The following TMEM165 variants were observed in gnomAD, a reference collection of about 807,000 sequenced individuals.
TMEM165 encodes putative divalent cation/proton antiporter TMEM165.
TMEM165 carries 19 observed loss-of-function variants against 30.0 expected under a neutral mutation model. The ratio of observed to expected loss-of-function variants is 0.63; its 90% CI spans 0.44 to 0.93. The LOEUF is 0.93. Among genes scored for constraint, TMEM165 ranks in the 40% least tolerant of loss-of-function variants. The pLI is 0.00. For missense variants in TMEM165, 340 were observed against 417.0 expected (o/e 0.82, Z 1.61); for synonymous variants, 168 against 162.9 (o/e 1.03, Z -0.24).
chr4:55,424,701 G>T, intron 5 of TMEM165, 58 bp downstream of exon 5: 2 of 1,144,522 alleles, frequency 1.7e-6, no homozygotes, highest in South Asian at 2.5e-5. Flanking sequence ...AGATTAAAGG[G>T]TGTTAGCTTT....
intron 3 of TMEM165, chr4:55,435,176 C>T: frequency 5.6e-6 from 3 of 533,056 alleles, no homozygotes; most frequent in Non-Finnish European, 1.0e-5. Flanking sequence ...AATATCCAGG[C>T]ACCTAAAACA....
At position 55,444,025 on chromosome 4, in the gene TMEM165, G is replaced by T. The variant is rs1211373118; in HGVS notation, c.409-8214G>T. On this transcript the variant is annotated intron_variant, in intron 3 of 3. Coordinates refer to the TMEM165 transcript ENST00000608091. Reference sequence around the variant, plus strand: ...AGTAACAAGGCTAAGTCACTTTGAAGAATTAGCAATAAATAAGTAGTGAAT... The same window carrying T: ...AGTAACAAGGCTAAGTCACTTTGAATAATTAGCAATAAATAAGTAGTGAAT... 12 of 711,968 alleles carry T rather than the reference G, an allele frequency of 1.7e-5. No homozygotes were observed. In the Admixed American group the frequency reaches 3.0e-4, roughly 18 times the overall value. The allele number at this position is 711,968 out of a possible 1,614,324, so 44.1% of individuals were successfully genotyped here.
At chr4:55,449,657 TTCTA>T (rs534862445) in intron 3 of TMEM165, among the ~76,000 whole-genome samples, 54 of 152,240 alleles carry the variant, frequency 3.5e-4, no homozygotes, top group Non-Finnish European at 6.6e-4. Flanking sequence ...ATGTAGTTAC[TTCTA>T]TCTTTTTATG....
downstream of TMEM165, chr4:55,429,078 TTTAAC>T (rs1422995381): frequency 2.6e-5 from 4 of 152,086 alleles, no homozygotes; most frequent in Middle Eastern, 3.4e-3. Flanking sequence ...AACAACTTAT[TTTAAC>T]TTAACTACTG....
intron 3 of TMEM165, among the ~76,000 whole-genome samples, chr4:55,450,911 T>C (rs1211175288): frequency 2.0e-5 from 3 of 152,074 alleles, no homozygotes; most frequent in Admixed American, 6.5e-5. Context: ...GAGAAGAGAA[T>C]TGCTTAAGCC....
chr4:55,401,041 G>A (rs1263106276), intron 1 of TMEM165, among the ~76,000 whole-genome samples: 1 of 150,546 alleles, frequency 6.6e-6, no homozygotes, highest in Non-Finnish European at 1.5e-5. Flanking sequence ...CACTGTGTGA[G>A]AGTGGGCTTC....
intron 1 of TMEM165, among the ~76,000 whole-genome samples, chr4:55,410,494 C>T (rs978210095): frequency 6.6e-6 from 1 of 152,130 alleles, no homozygotes; most frequent in Non-Finnish European, 1.5e-5. Context: ...CTGCAACCTC[C>T]GCCTCCCAGG....
intron 1 of TMEM165, among the ~76,000 whole-genome samples, chr4:55,398,011 G>A (rs1720803167): frequency 6.6e-6 from 1 of 152,186 alleles, no homozygotes; most frequent in South Asian, 2.1e-4. Flanking sequence ...CCAAGTGCTG[G>A]TGAGCTCTCA....
In TMEM165 at chr4:55,402,794, G is replaced by GTTTTTTTTTTTTTT. The variant is rs1491276185; in HGVS notation, c.207+6398_207+6399insTTTTTTTTTTTTTT. On this transcript the variant is annotated intron_variant, in intron 1 of 5. Transcript: ENST00000381334. ...CACATTTTTACAACTTTTAAAAAAA[G>GTTTTTTTTTTTTTT]CTTTTTTTTTTTTTTGAGACGGAGT... Among the ~76,000 whole-genome samples, 47 of 52,494 alleles carry GTTTTTTTTTTTTTT rather than the reference G, an allele frequency of 9.0e-4. 2 individuals carry two copies. Among genetic ancestry groups the GTTTTTTTTTTTTTT allele is most frequent in the South Asian group, 2.2e-3 (2 of 908 alleles). 34.4% of individuals were successfully genotyped at this position (52,494 alleles called of 152,430 possible).
downstream of TMEM165, chr4:55,428,051 A>T (rs1722310188): frequency 1.3e-5 from 2 of 152,212 alleles, no homozygotes; most frequent in Non-Finnish European, 2.9e-5. Flanking sequence ...TTTTATTTTT[A>T]AAATTGAAGG....
In TMEM165 at chr4:55,396,257, C is replaced by A. The variant is rs866640560; in HGVS notation, c.68C>A (p.Pro23Gln). ...CGGCTGCTTCTGCTCTTTCTGGTTC[C>A]GCTGCTGTGGGCCCCGGCTGCGGTC... ...APRLLLLFLV[P>Q]LLWAPAAVRA... The change falls in exon 1 of 6, where the codon CCG becomes CAG. Residue 23 changes from proline to glutamine, a missense_variant. Physicochemically the swap from Pro to Gln is moderately conservative, Grantham distance 76. Transcript: ENST00000381334. 1 of 1,515,838 alleles carries A rather than the reference C, an allele frequency of 6.6e-7. No homozygotes were observed. Among genetic ancestry groups the A allele is most frequent in the Non-Finnish European group, 8.8e-7 (1 of 1,138,698 alleles). 93.9% of individuals were successfully genotyped at this position (1,515,838 alleles called of 1,614,324 possible). A position where few individuals can be genotyped will look rare whatever the true frequency, so the allele number is the denominator to read the frequency against.
rs1560396515 is a variant in TMEM165, at chr4:55,420,127, ATATTTATTTATTTATTTAT to A, written c.792+2144_792+2162del. The stretch of plus-strand genomic sequence containing the variant: ...AAAAAATATATATATATATACATAT[ATATTTATTTATTTATTTAT>A]TTTATTTATTTATTTAATGGCTGTA... On this transcript the variant is annotated intron_variant, in intron 4 of 5. Transcript: ENST00000381334. Among the ~76,000 whole-genome samples the A allele has an allele frequency of 2.1e-4, 10 of 46,772 alleles. 1 individual carries two copies. Among genetic ancestry groups the A allele is most frequent in the South Asian group, 6.0e-3 (2 of 334 alleles). 30.7% of individuals were successfully genotyped at this position (46,772 alleles called of 152,430 possible). A position where few individuals can be genotyped will look rare whatever the true frequency, so the allele number is the denominator to read the frequency against.
In TMEM165 at chr4:55,435,441, C is replaced by G. The variant is rs1013183492; in HGVS notation, c.408+10798C>G. On this transcript the variant is annotated intron_variant, in intron 3 of 3. Coordinates refer to the TMEM165 transcript ENST00000608091. ...TACTGTGGTTGAACCTTGGAAGGGT[C>G]GGGCAAGCTGTCAGTCCTGTGCCGG... The G allele has an allele frequency of 3.1e-6, 5 of 1,613,826 alleles. No individual in the cohort carries two copies. The highest frequency in any genetic ancestry group is 3.4e-6 in the Non-Finnish European group (4 of 1,179,902).
chr4:55,403,414 C>A (rs987388521), intron 1 of TMEM165: 1 of 673,522 alleles, frequency 1.5e-6, no homozygotes, highest in African/African-American at 2.3e-5. Context: ...TTACTTTTTT[C>A]TTTGATTTTC....
At chr4:55,430,961 A>AC (rs1328600886), downstream of TMEM165, 1 of 152,160 alleles carries the variant, frequency 6.6e-6, no homozygotes, top group African/African-American at 2.4e-5. Flanking sequence ...ACTCCCATAA[A>AC]CCAACTACGG....
At chr4:55,411,989 C>A in intron 2 of TMEM165, 150 bp downstream of exon 2, 1 of 679,326 alleles carries the variant, frequency 1.5e-6, no homozygotes, top group Non-Finnish European at 2.6e-6. Flanking sequence ...TGTATCCTTT[C>A]CTTGTGTATC....
At chr4:55,438,460 G>A (rs371371852) in intron 3 of TMEM165, 2 of 1,613,854 alleles carry the variant, frequency 1.2e-6, no homozygotes, top group Non-Finnish European at 1.7e-6. Context: ...CATAAGCATA[G>A]TACTAGGTAC....
intron 3 of TMEM165, chr4:55,448,733 A>C (rs764023233): frequency 3.3e-6 from 5 of 1,494,714 alleles, no homozygotes; most frequent in African/African-American, 1.4e-5. Context: ...CTTAAAAGCA[A>C]TTTATCATAT....
intron 3 of TMEM165, chr4:55,450,199 T>G: frequency 6.2e-7 from 1 of 1,614,030 alleles, no homozygotes; most frequent in Non-Finnish European, 8.5e-7. Context: ...AGACTGACTG[T>G]GTTTATACGA....
Sources: gnomAD v4.1 joint callset for allele counts (sites outside exome capture counted in the v4.1 genomes callset) on GRCh38, gnomAD v4.1.1 for gene constraint, MANE v1.5 for transcripts, NCBI Gene and HGNC (gene_info 2026-07-23, HGNC 2026-07-21) for gene names.